The following PSMG4 variants were observed in gnomAD, a reference collection of about 807,000 sequenced individuals.
The protein encoded by PSMG4 is proteasome assembly chaperone 4, also known as proteasome (prosome, macropain) assembly chaperone 4.
PSMG4 carries 10 observed loss-of-function variants against 11.0 expected under a neutral mutation model. That is an observed-to-expected ratio of 0.91 (90% CI 0.56 to 1.54). PSMG4 has a LOEUF of 1.54. Ranked by LOEUF, PSMG4 falls within the 40% of genes most tolerant of loss-of-function variation. The pLI, the probability that PSMG4 is intolerant of heterozygous loss-of-function variation, is 0.00. For missense variants in PSMG4, 198 were observed against 160.9 expected (o/e 1.23, Z -1.25); for synonymous variants, 95 against 71.3 (o/e 1.33, Z -1.68).
At chr6:3,264,121 G>C (rs994622348) in intron 2 of PSMG4, 14 of 1,523,522 alleles carry the variant, frequency 9.2e-6, no homozygotes, top group Non-Finnish European at 1.2e-5. Context: ...GTAGCCTCCC[G>C]GGCCTTAGGA....
upstream of PSMG4, chr6:3,255,051 GAACA>G (rs1164636006): frequency 1.1e-5 from 17 of 1,550,578 alleles, no homozygotes; most frequent in Admixed American, 2.0e-5. Context: ...CTCTGGACAG[GAACA>G]AACACACTTG....
In PSMG4 at chr6:3,263,692, C is replaced by T; in HGVS notation, c.183C>T (p.Ile61=). 1 of 1,548,698 alleles carries T rather than the reference C, an allele frequency of 6.5e-7. No individual in the cohort carries two copies. The highest frequency in any genetic ancestry group is 8.7e-7 in the Non-Finnish European group (1 of 1,145,656). ...AVAMCSRYDS[I]PVSTSLLGDT... ...CTTTGCTTTTCTTTTAGGACTCCAT[C>T]CCCGTGTCTACCTCCCTCCTTGGAG... The change falls in exon 2 of 3, where the codon ATC becomes ATT. Residue 61 remains isoleucine (I), a synonymous_variant. Transcript: ENST00000438998.
upstream of PSMG4, chr6:3,255,221 T>A: frequency 6.5e-7 from 1 of 1,549,830 alleles, no homozygotes; most frequent in Non-Finnish European, 8.7e-7. Context: ...AGGAGCAAAA[T>A]CAACTCTGGT....
intron 2 of PSMG4, 95 bp from the exon 3 acceptor site, chr6:3,267,494 CCT>C: frequency 7.1e-7 from 1 of 1,404,010 alleles, no homozygotes; most frequent in South Asian, 1.3e-5. Flanking sequence ...ACAACCCCAT[CCT>C]CTTTCTGAGC....
At chr6:3,257,332 C>T (rs969048309), upstream of PSMG4, among the ~76,000 whole-genome samples, 1 of 152,080 alleles carries the variant, frequency 6.6e-6, no homozygotes, top group Non-Finnish European at 1.5e-5. Context: ...GCAGTGACAG[C>T]AAAGCTGGAG....
upstream of PSMG4, among the ~76,000 whole-genome samples, chr6:3,256,780 G>A (rs534472416): frequency 3.9e-5 from 6 of 152,242 alleles, no homozygotes; most frequent in Non-Finnish European, 7.3e-5. Context: ...AACTGGCCTG[G>A]CTTTCATAGT....
At chr6:3,257,153 C>T (rs1020173481), upstream of PSMG4, among the ~76,000 whole-genome samples, 1 of 152,182 alleles carries the variant, frequency 6.6e-6, no homozygotes, top group Admixed American at 6.5e-5. Context: ...TTCTGCATAA[C>T]ATCAGAAGCA....
At chr6:3,260,992 T>C (rs1757970097) in intron 1 of PSMG4, among the ~76,000 whole-genome samples, 1 of 152,164 alleles carries the variant, frequency 6.6e-6, no homozygotes, top group Non-Finnish European at 1.5e-5. Context: ...GAGGTTTGTC[T>C]GCTTGCCCAG....
At chr6:3,264,425 C>T (rs1758109392) in intron 2 of PSMG4, 1 of 1,475,402 alleles carries the variant, frequency 6.8e-7, no homozygotes, top group Admixed American at 2.3e-5. Flanking sequence ...CTCCAGTAGG[C>T]CCAGCTGCTT....
chr6:3,258,645 G>A (rs1442327320), upstream of PSMG4, among the ~76,000 whole-genome samples: 1 of 152,198 alleles, frequency 6.6e-6, no homozygotes, highest in Non-Finnish European at 1.5e-5. Flanking sequence ...CCCCGCGTCA[G>A]TAATAATTAG....
At chr6:3,256,897 T>C (rs1338149928), upstream of PSMG4, among the ~76,000 whole-genome samples, 2 of 152,148 alleles carry the variant, frequency 1.3e-5, no homozygotes, top group African/African-American at 4.8e-5. Flanking sequence ...CAAGTTTTTT[T>C]TGAAGTGGAC....
upstream of PSMG4, among the ~76,000 whole-genome samples, chr6:3,258,594 C>T (rs1260241785): frequency 1.3e-5 from 2 of 152,150 alleles, no homozygotes; most frequent in Non-Finnish European, 2.9e-5. Context: ...CGAAGTGTCA[C>T]GGCCTGGGAG....
At chr6:3,267,447 A>G (rs1758238184) in intron 2 of PSMG4, 144 bp from the exon 3 acceptor site, 6 of 875,468 alleles carry the variant, frequency 6.9e-6, no homozygotes, top group Non-Finnish European at 1.0e-5. Flanking sequence ...CACCTGTCTG[A>G]AGAGAGGCAT....
At chr6:3,257,133 C>T (rs191739317), upstream of PSMG4, among the ~76,000 whole-genome samples, 1 of 152,246 alleles carries the variant, frequency 6.6e-6, no homozygotes, top group African/African-American at 2.4e-5. Context: ...CTGGCTTTGT[C>T]ACCTCTATTT....
intron 1 of PSMG4, among the ~76,000 whole-genome samples, chr6:3,260,291 A>ATATATATATATATATATATATATTTTT: frequency 1.4e-5 from 1 of 70,866 alleles, no homozygotes; most frequent in East Asian, 4.6e-4. Context: ...ATATATATAT[A>ATATATATATATATATATATATATTTTT]TTTTTTTTTT....
intron 2 of PSMG4, chr6:3,264,962 T>C (rs185359456): frequency 9.2e-5 from 14 of 152,398 alleles, no homozygotes; most frequent in African/African-American, 3.4e-4. Flanking sequence ...GGTATTCATA[T>C]TTATACAGAC....
In PSMG4 at chr6:3,266,208, G is replaced by GGCCTGC. The variant is rs1055328010; in HGVS notation, c.251-1376_251-1371dup. On this transcript the variant is annotated intron_variant, in intron 2 of 2. Transcript: ENST00000438998. The stretch of plus-strand genomic sequence containing the variant: ...GGTTTCCAGGCCACGGTGGGGCCTG[G>GGCCTGC]GCCTGCGCCTGCACCTGCGCCCCTG... 2.6e-5 allele frequency: 4 copies of GGCCTGC among 151,900 alleles called. No individual in the cohort carries two copies. The East Asian group carries it at 7.8e-4, about 30-fold the overall frequency. The allele number at this position is 151,900 out of a possible 1,614,324, so 9.4% of individuals were successfully genotyped here.
intron 2 of PSMG4, chr6:3,265,444 G>A (rs995183217): frequency 5.9e-5 from 9 of 152,282 alleles, no homozygotes; most frequent in Non-Finnish European, 1.3e-4. Flanking sequence ...TGGCCCTGGA[G>A]GGGCACAGCT....
chr6:3,267,572 A>ATG lies in PSMG4; in HGVS notation c.251-15_251-14dup, dbSNP rs1561845498. 2.2e-5 allele frequency: 34 copies of ATG among 1,550,456 alleles called. No individual in the cohort carries two copies. The highest frequency in any genetic ancestry group is 3.0e-5 in the Non-Finnish European group (34 of 1,146,330). ...CAGTATTTCAGGAGTGGCTGTATCA[A>ATG]TGTGTTTTCTCTTTTTAGCCAGGAA... On this transcript the variant is annotated intron_variant, in intron 2 of 2. Coordinates refer to ENST00000438998, the MANE Select transcript of PSMG4 (RefSeq NM_001128591.2).
Sources: allele counts gnomAD v4.1 joint callset (sites outside exome capture counted in the v4.1 genomes callset), GRCh38; gene constraint gnomAD v4.1.1; transcripts MANE v1.5; gene names NCBI Gene and HGNC (gene_info 2026-07-23, HGNC 2026-07-21).